The following EBF1 variants were observed in gnomAD, a reference collection of about 807,000 sequenced individuals.
EBF1 encodes transcription factor COE1.
EBF1 carries 10 observed loss-of-function variants against 68.4 expected under a neutral mutation model. The ratio of observed to expected loss-of-function variants is 0.15; its 90% CI spans 0.09 to 0.25. The LOEUF is 0.25. EBF1 is among the 10% of genes least tolerant of loss of function. EBF1 has a pLI of 1.00. For missense variants in EBF1, 509 were observed against 794.4 expected (o/e 0.64, Z 4.32); for synonymous variants, 298 against 299.8 (o/e 0.99, Z 0.06).
At chr5:158,860,736 G>T (rs1200581041) in intron 6 of EBF1, among the ~76,000 whole-genome samples, 1 of 152,168 alleles carries the variant, frequency 6.6e-6, no homozygotes, top group Non-Finnish European at 1.5e-5. Context: ...AGACTCTTTT[G>T]CTCCTTCTCC....
intron 6 of EBF1, among the ~76,000 whole-genome samples, chr5:158,892,570 C>T (rs1030718091): frequency 3.9e-5 from 6 of 152,172 alleles, no homozygotes; most frequent in Non-Finnish European, 7.3e-5. Flanking sequence ...TGGCCTCATG[C>T]GATGGGGTCG....
At chr5:158,926,561 T>C (rs961032556) in intron 6 of EBF1, among the ~76,000 whole-genome samples, 5 of 151,568 alleles carry the variant, frequency 3.3e-5, no homozygotes, top group African/African-American at 1.2e-4. Flanking sequence ...CCGTCTCTAC[T>C]AAAAATACAA....
chr5:159,097,541 G>C (rs926031813), intron 1 of EBF1: 1 of 248,066 alleles, frequency 4.0e-6, no homozygotes, highest in Non-Finnish European at 7.8e-6. Flanking sequence ...TCACGTCTCA[G>C]CTAGCAGGGC....
chr5:159,091,499 G>T (rs1781636400), intron 4 of EBF1, among the ~76,000 whole-genome samples: 1 of 152,130 alleles, frequency 6.6e-6, no homozygotes, highest in South Asian at 2.1e-4. Flanking sequence ...CTATAAACTT[G>T]CTGTGTCCTT....
Position 158,922,285 on chromosome 5 carries a change from TC to T in EBF1, c.555-82176del, listed in dbSNP as rs541850496. ...CCCAAAAGCAACTTTCTACCCAGTA[TC>T]CTCTCAGTGATTTGATTTGGTTGCT... On this transcript the variant is annotated intron_variant, in intron 6 of 15. Transcript: ENST00000313708. Among the ~76,000 whole-genome samples the T allele has an allele frequency of 8.1e-4, 123 of 152,346 alleles. 1 individual carries two copies. Among genetic ancestry groups the T allele is most frequent in the African/African-American group, 2.8e-3 (115 of 41,584 alleles).
At chr5:159,094,306 GAAAT>G (rs2128002778) in intron 4 of EBF1, among the ~76,000 whole-genome samples, 1 of 150,862 alleles carries the variant, frequency 6.6e-6, no homozygotes, top group South Asian at 2.1e-4. Flanking sequence ...AATCAACTGA[GAAAT>G]AAACAGATTT....
intron 11 of EBF1, among the ~76,000 whole-genome samples, chr5:158,725,303 A>G (rs775786318): frequency 1.3e-5 from 2 of 152,114 alleles, no homozygotes; most frequent in African/African-American, 2.4e-5. Flanking sequence ...CCTTCCCACC[A>G]TCCACCCCAC....
intron 6 of EBF1, among the ~76,000 whole-genome samples, chr5:158,895,220 GCA>G (rs758710467): frequency 1.1e-4 from 16 of 152,130 alleles, no homozygotes; most frequent in Admixed American, 3.3e-4. Context: ...CATTCATTAT[GCA>G]CAGAGTACTC....
chr5:158,839,788 C>T (rs965110268), intron 7 of EBF1, among the ~76,000 whole-genome samples: 5 of 152,184 alleles, frequency 3.3e-5, no homozygotes, highest in African/African-American at 1.2e-4. Flanking sequence ...AGTGAGTCCA[C>T]TCAGGCAGCC....
chr5:158,793,195 A>G lies in EBF1; in HGVS notation c.909+3150T>C, dbSNP rs1392287917. The stretch of plus-strand genomic sequence containing the variant: ...TGAGAATCCCACAAGAGCACTACCA[A>G]ACATTTATCATATTGCCTGGCAGGA... On this transcript the variant is annotated intron_variant, in intron 9 of 15. Transcript: ENST00000313708. Among the ~76,000 whole-genome samples, 5 of 152,168 alleles carry G rather than the reference A, an allele frequency of 3.3e-5. No homozygotes were observed. In the South Asian group the frequency reaches 6.2e-4, roughly 19 times the overall value.
At chr5:159,069,183 T>A (rs969758560) in intron 6 of EBF1, among the ~76,000 whole-genome samples, 2 of 146,794 alleles carry the variant, frequency 1.4e-5, no homozygotes, top group African/African-American at 5.1e-5. Context: ...TAATTTGAGA[T>A]GGAATTTCAT....
chr5:158,798,895 C>T (rs908535214), intron 8 of EBF1, among the ~76,000 whole-genome samples: 1 of 152,122 alleles, frequency 6.6e-6, no homozygotes. Flanking sequence ...ACACTCAGCA[C>T]CATCCACCAT....
intron 8 of EBF1, among the ~76,000 whole-genome samples, chr5:158,803,176 C>T (rs562639837): frequency 6.6e-6 from 1 of 152,168 alleles, no homozygotes. Context: ...CAGCTCATTT[C>T]TACGGGATAC....
intron 6 of EBF1, among the ~76,000 whole-genome samples, chr5:158,923,477 G>A (rs1451672731): frequency 6.6e-6 from 1 of 152,124 alleles, no homozygotes; most frequent in African/African-American, 2.4e-5. Context: ...TATGGAGGGT[G>A]GGTCTCAGAT....
At chr5:158,926,942 G>A (rs1809835856) in intron 6 of EBF1, among the ~76,000 whole-genome samples, 1 of 152,058 alleles carries the variant, frequency 6.6e-6, no homozygotes, top group Non-Finnish European at 1.5e-5. Flanking sequence ...ACGAGCCAGT[G>A]GAAAAGCAAG....
intron 6 of EBF1, among the ~76,000 whole-genome samples, chr5:158,849,709 T>A (rs1430687852): frequency 6.6e-6 from 1 of 152,242 alleles, no homozygotes; most frequent in African/African-American, 2.4e-5. Context: ...TAATGGCAGT[T>A]AGCTTTGAAT....
chr5:158,745,496 T>C (rs1475483761), intron 10 of EBF1, among the ~76,000 whole-genome samples: 1 of 152,168 alleles, frequency 6.6e-6, no homozygotes, highest in Non-Finnish European at 1.5e-5. Flanking sequence ...GAAGACTCTT[T>C]GTGTCGTGTA....
chr5:158,729,131 T>C (rs1367662476), intron 11 of EBF1, among the ~76,000 whole-genome samples: 1 of 152,212 alleles, frequency 6.6e-6, no homozygotes, highest in African/African-American at 2.4e-5. Flanking sequence ...CTACCTTTTG[T>C]TGGCTGCTAA....
chr5:158,897,464 T>C (rs1399999757), intron 6 of EBF1, among the ~76,000 whole-genome samples: 1 of 151,988 alleles, frequency 6.6e-6, no homozygotes, highest in Admixed American at 6.6e-5. Flanking sequence ...AACTAATGGG[T>C]ACTAGGCTTA....
Sources: gnomAD v4.1 joint callset for allele counts (sites outside exome capture counted in the v4.1 genomes callset) on GRCh38, gnomAD v4.1.1 for gene constraint, MANE v1.5 for transcripts, NCBI Gene and HGNC (gene_info 2026-07-23, HGNC 2026-07-21) for gene names.